CDK10: variants seen among roughly 807,000 people sequenced by gnomAD.
CDK10 encodes the protein cyclin dependent kinase 10.
CDK10 carries 55 observed loss-of-function variants against 51.0 expected under a neutral mutation model. The observed-to-expected ratio is 1.08, with a 90% CI of 0.87 to 1.35. CDK10 has a LOEUF of 1.35. Among genes scored for constraint, CDK10 ranks in the 40% most tolerant of loss-of-function variants. CDK10 has a pLI of 0.00. For synonymous variants in CDK10, 255 were observed against 199.1 expected (o/e 1.28, Z -2.36); for missense variants, 589 against 485.1 (o/e 1.21, Z -2.01).
intron 3 of CDK10, among the ~76,000 whole-genome samples, chr16:89,691,008 G>A (rs144835326): frequency 6.7e-4 from 102 of 152,312 alleles, no homozygotes; most frequent in African/African-American, 2.2e-3. Flanking sequence ...TTATTGGGCC[G>A]GGCATGGTGG....
chr16:89,690,281 G>T (rs925687623), intron 2 of CDK10: 1 of 504,642 alleles, frequency 2.0e-6, no homozygotes, highest in East Asian at 3.3e-5. Context: ...GACATGGAGA[G>T]CCTGGAGCCA....
At chr16:89,689,426 G>A (rs1305097373) in intron 2 of CDK10, 102 bp downstream of exon 2, 1 of 961,748 alleles carries the variant, frequency 1.0e-6, no homozygotes, top group African/African-American at 1.6e-5. Flanking sequence ...AAGGGACTCA[G>A]ACCCTGTGCT....
chr16:89,695,416 T>C, intron 12 of CDK10, 71 bp downstream of exon 12: 1 of 1,541,510 alleles, frequency 6.5e-7, no homozygotes, highest in Non-Finnish European at 8.9e-7. Context: ...GGGTGGGTGG[T>C]GGAGAAGTGG....
Position 89,689,232 on chromosome 16 carries a change from G to A in CDK10, c.88-20G>A. ...CATCAGCTGCCAAATTTCCACACTGGCAACACCCTTCTGTTTCAGCTGGGA... is the reference window on the plus strand; with the variant it reads ...CATCAGCTGCCAAATTTCCACACTGACAACACCCTTCTGTTTCAGCTGGGA... On this transcript the variant is annotated intron_variant, in intron 1 of 12. Transcript: ENST00000353379. 1.9e-6 allele frequency: 3 copies of A among 1,613,482 alleles called. No individual in the cohort carries two copies. Among genetic ancestry groups the A allele is most frequent in the African/African-American group, 2.7e-5 (2 of 75,000 alleles).
rs1183845945 is a variant in CDK10 at position 89,693,324 on chromosome 16, CAGGT to C, written c.537_538+2del. ...ATGACCGACAAGGGTTGTGTGAAGA[CAGGT>C]GGGTGCAACTTGGGCCAGGCCCTGT... On this transcript the variant is annotated splice_donor_variant and coding_sequence_variant, in exon 7 of 13. Transcript: ENST00000353379. LOFTEE classifies it high-confidence loss of function. The C allele has an allele frequency of 6.2e-7, 1 of 1,613,958 alleles. No individual in the cohort carries two copies. The highest frequency in any genetic ancestry group is 8.5e-7 in the Non-Finnish European group (1 of 1,180,018).
intron 1 of CDK10, 63 bp downstream of exon 1, chr16:89,686,860 T>C: frequency 7.1e-7 from 1 of 1,406,962 alleles, no homozygotes; most frequent in Non-Finnish European, 9.8e-7. Context: ...CGGCTGGGTC[T>C]GGGGAGCCTC....
chr16:89,687,481 T>G (rs1368480605), intron 1 of CDK10: 1 of 456,124 alleles, frequency 2.2e-6, no homozygotes, highest in South Asian at 1.5e-5. Flanking sequence ...AGCCACACTT[T>G]ACTCATCCAG....
At chr16:89,694,558 C>T (rs772584561) in intron 9 of CDK10, 107 bp from the exon 10 acceptor site, 16 of 1,526,400 alleles carry the variant, frequency 1.0e-5, no homozygotes, top group Non-Finnish European at 3.5e-6. Context: ...CAGCGTGCCT[C>T]ACACTGGCAG....
At chr16:89,693,595 G>A in intron 8 of CDK10, 128 bp downstream of exon 8, 1 of 902,266 alleles carries the variant, frequency 1.1e-6, no homozygotes, top group Non-Finnish European at 1.7e-6. Flanking sequence ...TGCACACTCA[G>A]AAACGTTGGG....
Position 89,686,806 on chromosome 16 carries a change from G to A in CDK10, c.87+9G>A, listed in dbSNP as rs8062701. On this transcript the variant is annotated intron_variant, in intron 1 of 12. Transcript: ENST00000353379. ...TGCCTCCGGAACACAGGGTGCGCGG[G>A]GTGCCACCCGGGCAGCTCTGCCCGC... 5.5e-4 allele frequency: 880 copies of A among 1,605,562 alleles called. 4 individuals are homozygous for A. In the African/African-American group the frequency reaches 0.011, roughly 19 times the overall value.
chr16:89,695,459 G>A (rs1315088096), intron 12 of CDK10, 114 bp downstream of exon 12: 4 of 1,469,264 alleles, frequency 2.7e-6, no homozygotes, highest in South Asian at 2.4e-5. Flanking sequence ...CACCCTTTCT[G>A]GGGTAAGAGG....
At chr16:89,687,882 T>A (rs1374298871) in intron 1 of CDK10, 2 of 326,784 alleles carry the variant, frequency 6.1e-6, no homozygotes, top group Non-Finnish European at 1.2e-5. Flanking sequence ...ACAGGCCAGA[T>A]GCTTCTGACT....
intron 1 of CDK10, among the ~76,000 whole-genome samples, chr16:89,689,042 G>A (rs899744908): frequency 6.6e-6 from 1 of 152,168 alleles, no homozygotes; most frequent in African/African-American, 2.4e-5. Context: ...GGAGGTTGCA[G>A]TGAACCATGT....
In CDK10 at chr16:89,693,525, C is replaced by T. The variant is rs964161763; in HGVS notation, c.608+58C>T. 1.7e-5 allele frequency: 27 copies of T among 1,554,418 alleles called. No homozygotes were observed. In the African/African-American group the frequency reaches 3.3e-4, roughly 19 times the overall value. On this transcript the variant is annotated intron_variant, in intron 8 of 12. Transcript: ENST00000353379. ...GACCAGGCCTGTCTGGTGGAGGTCT[C>T]CTTGGGGATGTCAGGCCGAAGCTGC... is the stretch of plus-strand genomic sequence containing the variant.
At position 89,690,606 on chromosome 16, in the gene CDK10, A is replaced by G. The variant is rs904069022; in HGVS notation, c.214A>G (p.Met72Val). The G allele has an allele frequency of 6.2e-7, 1 of 1,613,970 alleles. No homozygotes were observed. The highest frequency in any genetic ancestry group is 8.5e-7 in the Non-Finnish European group (1 of 1,179,896). The change falls in exon 3 of 13, where the codon ATG becomes GTG. Residue 72 changes from methionine to valine, a missense_variant. Physicochemically the swap from Met to Val is conservative, Grantham distance 21. Transcript: ENST00000353379. Reference sequence around the variant, plus strand: ...GATTGTCGCACTGAAGAAGGTGCGGATGGACAAGGAGAAGGATGGTGAGCA... The same window carrying G: ...GATTGTCGCACTGAAGAAGGTGCGGGTGGACAAGGAGAAGGATGGTGAGCA... ...DEIVALKKVR[M>V]DKEKDGIPIS...
intron 1 of CDK10, chr16:89,687,340 C>T (rs1313153012): frequency 5.0e-6 from 2 of 401,182 alleles, no homozygotes; most frequent in Non-Finnish European, 1.0e-5. Context: ...CCCAGGTGCA[C>T]GGCTGGTGGG....
intron 2 of CDK10, chr16:89,690,094 A>T (rs1161679973): frequency 3.0e-5 from 5 of 167,404 alleles, no homozygotes; most frequent in African/African-American, 1.2e-4. Context: ...CACACAACTA[A>T]AGGTTATAAC....
intron 6 of CDK10, among the ~76,000 whole-genome samples, chr16:89,692,844 A>T (rs1294171776): frequency 1.3e-5 from 2 of 151,850 alleles, no homozygotes; most frequent in African/African-American, 4.8e-5. Flanking sequence ...AAAAAAAATA[A>T]TAAAGATACT....
chr16:89,694,754 A>G lies in CDK10; in HGVS notation c.758A>G (p.Gln253Arg). The part of the protein sequence containing the change: ...SEIHQIDLIV[Q>R]LLGTPSENIW... ...ATCCACCAGATCGACTTGATCGTGC[A>G]GCTGCTGGGCACGCCCAGTGAGAAC... The change falls in exon 10 of 13, where the codon CAG becomes CGG. Residue 253 changes from glutamine (Q) to arginine (R), a missense_variant. By Grantham distance (43) the Gln-to-Arg change is conservative. Transcript: ENST00000353379. The G allele has an allele frequency of 2.5e-6, 4 of 1,570,182 alleles. No homozygotes were observed. Among genetic ancestry groups the G allele is most frequent in the South Asian group, 1.2e-5 (1 of 85,664 alleles).
Sources: gnomAD v4.1 joint callset for allele counts (sites outside exome capture counted in the v4.1 genomes callset) on GRCh38, gnomAD v4.1.1 for gene constraint, MANE v1.5 for transcripts, NCBI Gene and HGNC (gene_info 2026-07-23, HGNC 2026-07-21) for gene names.